The following ABCC8 variants were observed in gnomAD, a reference collection of about 807,000 sequenced individuals.
ABCC8 encodes ATP-binding cassette sub-family C member 8.
In ABCC8, 137 loss-of-function variants were observed where a neutral mutation model predicts 188.0. That is an observed-to-expected ratio of 0.73 (90% CI 0.63 to 0.84). ABCC8 has a LOEUF of 0.84. ABCC8 is among the 40% of genes least tolerant of loss of function. The pLI, the probability that ABCC8 is intolerant of heterozygous loss-of-function variation, is 0.00. For synonymous variants in ABCC8, 797 were observed against 846.5 expected, an observed-to-expected ratio of 0.94 and a Z score of 1.01; for missense variants, 1,750 against 2,072.7, an observed-to-expected ratio of 0.84 and a Z score of 3.02.
intron 3 of ABCC8, among the ~76,000 whole-genome samples, chr11:17,466,075 G>A (rs931752351): frequency 6.6e-6 from 1 of 152,136 alleles, no homozygotes; most frequent in African/African-American, 2.4e-5. Context: ...GAACCTTGAG[G>A]ACATTATGCT....
chr11:17,476,277 G>A (rs542242088), intron 1 of ABCC8, among the ~76,000 whole-genome samples: 1 of 152,212 alleles, frequency 6.6e-6, no homozygotes, highest in Admixed American at 6.5e-5. Context: ...CCTAAGCTGC[G>A]CCACGGAGGG....
At chr11:17,398,588 G>T in intron 29 of ABCC8, 147 bp from the exon 30 acceptor site, 1 of 1,470,852 alleles carries the variant, frequency 6.8e-7, no homozygotes. Flanking sequence ...TCCCTCTCTG[G>T]AATGTCCACC....
Position 17,407,137 on chromosome 11 carries a change from C to T in ABCC8, c.2921-8G>A. 1 of 1,609,204 alleles carries T rather than the reference C, an allele frequency of 6.2e-7. No individual in the cohort carries two copies. Among genetic ancestry groups the T allele is most frequent in the Non-Finnish European group, 8.5e-7 (1 of 1,178,680 alleles). ...CGCTCTCAGCTGCCTCCTCTGCAGG[C>T]CGCAAGAACCCACTCTGTGGCTACA... On this transcript the variant is annotated splice_region_variant and splice_polypyrimidine_tract_variant and intron_variant, in intron 24 of 38. Coordinates refer to ENST00000389817, the MANE Select transcript of ABCC8 (RefSeq NM_000352.6).
At chr11:17,407,555 T>C in intron 23 of ABCC8, 102 bp from the exon 24 acceptor site, 1 of 1,565,794 alleles carries the variant, frequency 6.4e-7, no homozygotes, top group South Asian at 1.2e-5. Flanking sequence ...AATGTCAGAT[T>C]TCTACTTTGT....
At chr11:17,454,355 C>T (rs1469585008) in intron 6 of ABCC8, among the ~76,000 whole-genome samples, 1 of 152,196 alleles carries the variant, frequency 6.6e-6, no homozygotes, top group Admixed American at 6.5e-5. Context: ...GCTGTCTGGT[C>T]CTGCTCACCA....
rs1412378249 is a variant in ABCC8, at chr11:17,476,818, G to C, written c.-42C>G. On this transcript the variant is annotated 5_prime_UTR_variant, in exon 1 of 39. Coordinates refer to ENST00000389817, the MANE Select transcript of ABCC8 (RefSeq NM_000352.6). ...GCTGGGCTCGGGCTCAGCTGGCTCC[G>C]CTGGCTCCGCGCGCCTGCCGCGCCT... 2 of 1,464,668 alleles carry C rather than the reference G, an allele frequency of 1.4e-6. No individual in the cohort carries two copies. Among genetic ancestry groups the C allele is most frequent in the African/African-American group, 1.5e-5 (1 of 67,500 alleles). 90.7% of individuals were successfully genotyped at this position (1,464,668 alleles called of 1,614,324 possible).
At chr11:17,450,457 C>G (rs750737195) in intron 7 of ABCC8, among the ~76,000 whole-genome samples, 24 of 142,074 alleles carry the variant, frequency 1.7e-4, no homozygotes, top group Non-Finnish European at 3.5e-4. Flanking sequence ...TGCGGTGGTG[C>G]CATCTCGGCT....
In ABCC8 at chr11:17,470,138, G is replaced by C. The variant is rs60637558; in HGVS notation, c.375C>G (p.His125Gln). 183 of 1,614,078 alleles carry C rather than the reference G, an allele frequency of 1.1e-4. No homozygotes were observed. The highest frequency in any genetic ancestry group is 1.6e-4 in the Middle Eastern group (1 of 6,084). ...MAAVTSVVYY[H>Q]NIETSNFPKL... ...TGGGGAAGTTGGAAGTCTCGATGTT[G>C]TGATAGTAGACCACGGAGGTGACAG... Residue 125 changes from histidine to glutamine, a missense_variant, in exon 3 of 39, where the codon CAC (histidine) becomes CAG (glutamine). Physicochemically the swap from His to Gln is conservative, Grantham distance 24. Transcript: ENST00000389817.
chr11:17,394,472 T>TG lies in ABCC8; in HGVS notation c.4412-74dup, dbSNP rs1431630518. On this transcript the variant is annotated intron_variant, in intron 36 of 38. Coordinates refer to ENST00000389817, the MANE Select transcript of ABCC8 (RefSeq NM_000352.6). The stretch of plus-strand genomic sequence containing the variant: ...TGTGAGTGGAGCAGATGGGATGGCT[T>TG]GGGGGGCTGTTGGAAAATGTGTGCA... The TG allele has an allele frequency of 1.1e-5, 18 of 1,609,634 alleles. No homozygotes were observed. The Admixed American group carries it at 2.3e-4, about 21-fold the overall frequency.
At chr11:17,431,513 T>A (rs1408902024) in intron 11 of ABCC8, among the ~76,000 whole-genome samples, 1 of 152,148 alleles carries the variant, frequency 6.6e-6, no homozygotes, top group African/African-American at 2.4e-5. Context: ...CCGGGGGAAA[T>A]AAGCAGATCT....
intron 31 of ABCC8, 165 bp downstream of exon 31, chr11:17,397,519 G>A: frequency 7.1e-7 from 1 of 1,409,182 alleles, no homozygotes; most frequent in Non-Finnish European, 9.7e-7. Flanking sequence ...TGGGGCCTGG[G>A]CCCTGGGGCC....
At chr11:17,431,061 G>A in intron 11 of ABCC8, 102 bp from the exon 12 acceptor site, 3 of 1,540,548 alleles carry the variant, frequency 1.9e-6, no homozygotes, top group Non-Finnish European at 1.8e-6. Flanking sequence ...GGCTGTCAGG[G>A]AGCAGGCTCC....
At chr11:17,442,255 A>T (rs1956345447) in intron 10 of ABCC8, among the ~76,000 whole-genome samples, 1 of 152,166 alleles carries the variant, frequency 6.6e-6, no homozygotes, top group African/African-American at 2.4e-5. Flanking sequence ...GGCTTCTGAT[A>T]TTTAAGGATA....
Position 17,404,634 on chromosome 11 carries a change from G to A in ABCC8, c.3435C>T (p.Ser1145=), listed in dbSNP as rs371089976. 709 of 1,613,116 alleles carry A rather than the reference G, an allele frequency of 4.4e-4. 6 individuals carry two copies. In the South Asian group the frequency reaches 7.3e-3, roughly 17 times the overall value. ...IPSTLECLSR[S]TLLCVSALAV... is the part of the protein sequence containing the mutation. ...CCAGGGCTGAGACACAGAGCAGGGT[G>A]GAGCGGCTCAGGCACTCCAGCGTGG... Residue 1145 remains serine (S), a synonymous_variant, in exon 28 of 39, where the codon TCC becomes TCT. Coordinates refer to ENST00000389817, the MANE Select transcript of ABCC8 (RefSeq NM_000352.6). The surrounding 1 kb of genome is among the most constrained non-coding windows in gnomAD (Gnocchi z 4.7).
At chr11:17,434,984 CGTGTGTGTGTGTGTGTGT>C (rs57580521) in intron 10 of ABCC8, among the ~76,000 whole-genome samples, 1 of 144,650 alleles carries the variant, frequency 6.9e-6, no homozygotes, top group Admixed American at 6.8e-5. Flanking sequence ...CGTGTGTTCG[CGTGTGTGTGTGTGTGTGT>C]GTGTGTGTGT....
chr11:17,456,827 G>A (rs1957013066), intron 6 of ABCC8, among the ~76,000 whole-genome samples: 1 of 152,226 alleles, frequency 6.6e-6, no homozygotes, highest in African/African-American at 2.4e-5. Flanking sequence ...AAAACAGTAA[G>A]TGTAAGCACT....
chr11:17,406,398 A>T, intron 26 of ABCC8: 1 of 593,858 alleles, frequency 1.7e-6, no homozygotes, highest in Non-Finnish European at 3.0e-6. Flanking sequence ...GGTAACAATT[A>T]AATGAGCTAA....
chr11:17,411,403 C>CTGCT (rs1954796924), intron 21 of ABCC8, among the ~76,000 whole-genome samples: 1 of 152,230 alleles, frequency 6.6e-6, no homozygotes, highest in Non-Finnish European at 1.5e-5. Context: ...GTTTAAATCT[C>CTGCT]ATGAGAGATC....
At chr11:17,451,327 T>G (rs1221453319) in intron 7 of ABCC8, among the ~76,000 whole-genome samples, 1 of 152,226 alleles carries the variant, frequency 6.6e-6, no homozygotes, top group African/African-American at 2.4e-5. Flanking sequence ...TGGGCCCCCA[T>G]GAGTCTTAGA....
Sources: allele counts gnomAD v4.1 joint callset (sites outside exome capture counted in the v4.1 genomes callset), GRCh38; gene constraint gnomAD v4.1.1; non-coding constraint Gnocchi (gnomAD v3.1); transcripts MANE v1.5; gene names NCBI Gene and HGNC (gene_info 2026-07-23, HGNC 2026-07-21).